EYS: variants seen among roughly 807,000 people sequenced by gnomAD.
EYS encodes the protein protein eyes shut homolog.
Under a neutral mutation model 282.1 loss-of-function variants are expected in EYS, and 250 were observed. That is an observed-to-expected ratio of 0.89 (90% CI 0.80 to 0.98). The LOEUF (loss-of-function observed/expected upper bound fraction) is 0.98. Ranked by LOEUF, EYS falls within the 50% of genes least tolerant of loss-of-function variation. The pLI, the probability that EYS is intolerant of heterozygous loss-of-function variation, is 0.00. For missense variants in EYS, 4,016 were observed against 3,709.0 expected (o/e 1.08, Z -2.15); for synonymous variants, 1,355 against 1,282.9 (o/e 1.06, Z -1.20).
intron 34 of EYS, among the ~76,000 whole-genome samples, chr6:63,989,368 T>TA (rs1003226103): frequency 4.0e-5 from 6 of 151,644 alleles, no homozygotes; most frequent in Non-Finnish European, 1.5e-5. Context: ...TTTCACATGT[T>TA]AAAAAAGCTT....
At chr6:65,273,922 AC>A (rs1294623294) in intron 12 of EYS, among the ~76,000 whole-genome samples, 4 of 152,064 alleles carry the variant, frequency 2.6e-5, no homozygotes, top group South Asian at 2.1e-4. Flanking sequence ...CAACAATCAG[AC>A]CTTTTAAGGA....
At chr6:64,602,592 T>C (rs893570120) in intron 24 of EYS, among the ~76,000 whole-genome samples, 2 of 152,044 alleles carry the variant, frequency 1.3e-5, no homozygotes, top group African/African-American at 2.4e-5. Context: ...CATTTTCCCC[T>C]TTTCCCAAGG....
chr6:65,023,398 A>C (rs144199062), intron 13 of EYS, among the ~76,000 whole-genome samples: 1 of 152,294 alleles, frequency 6.6e-6, no homozygotes, highest in African/African-American at 2.4e-5. Flanking sequence ...CTAAATATAA[A>C]GAGATTTTTA....
At chr6:64,953,927 T>G (rs1204448105) in intron 14 of EYS, among the ~76,000 whole-genome samples, 2 of 152,048 alleles carry the variant, frequency 1.3e-5, no homozygotes, top group East Asian at 3.9e-4. Context: ...TATACTGGAT[T>G]TTGAAAACAT....
chr6:65,416,415 C>G (rs558601128), intron 5 of EYS, among the ~76,000 whole-genome samples: 2 of 152,042 alleles, frequency 1.3e-5, no homozygotes, highest in African/African-American at 2.4e-5. Context: ...ATCTCTCTCT[C>G]ATACACACAC....
At chr6:64,012,435 G>C (rs938662607) in intron 33 of EYS, among the ~76,000 whole-genome samples, 2 of 152,198 alleles carry the variant, frequency 1.3e-5, no homozygotes, top group African/African-American at 4.8e-5. Context: ...GCAGATGGCA[G>C]TAAAGGTACA....
At chr6:64,865,633 A>G (rs948790504) in intron 19 of EYS, among the ~76,000 whole-genome samples, 1 of 152,172 alleles carries the variant, frequency 6.6e-6, no homozygotes, top group Non-Finnish European at 1.5e-5. Flanking sequence ...CAGGAAAATC[A>G]CTGAAGGGTT....
In EYS at chr6:64,449,579, G is replaced by A. The variant is rs912465143; in HGVS notation, c.5645-10227C>T. On this transcript the variant is annotated intron_variant, in intron 26 of 42. Transcript: ENST00000503581. ...TCAGATTCACCAAAGTTGAAATGAAGGAAAAAATATTAAGGGTAACCAGAG... is the reference window on the plus strand; with the variant it reads ...TCAGATTCACCAAAGTTGAAATGAAAGAAAAAATATTAAGGGTAACCAGAG... Among the ~76,000 whole-genome samples the A allele has an allele frequency of 1.2e-4, 18 of 152,184 alleles. 1 individual carries two copies. In the Middle Eastern group the frequency reaches 0.014, roughly 115 times the overall value.
chr6:64,418,492 TA>T (rs1774130063), intron 28 of EYS, among the ~76,000 whole-genome samples: 1 of 152,068 alleles, frequency 6.6e-6, no homozygotes, highest in African/African-American at 2.4e-5. Context: ...CCAGGCAAAA[TA>T]GGTCTATTTC....
chr6:64,096,734 A>G (rs1186085682), intron 31 of EYS, among the ~76,000 whole-genome samples: 1 of 152,136 alleles, frequency 6.6e-6, no homozygotes, highest in Non-Finnish European at 1.5e-5. Context: ...GATCGTCTGA[A>G]GCCTTCTTCT....
chr6:64,632,546 C>A (rs1345803784), intron 22 of EYS, among the ~76,000 whole-genome samples: 4 of 3,612 alleles, frequency 1.1e-3, no homozygotes, highest in African/African-American at 1.7e-3. Flanking sequence ...AACCATTTTA[C>A]ACTTCACTTA....
At chr6:64,376,743 T>G (rs1205774850) in intron 29 of EYS, among the ~76,000 whole-genome samples, 2 of 152,202 alleles carry the variant, frequency 1.3e-5, no homozygotes, top group African/African-American at 4.8e-5. Context: ...CAAAAGTAGA[T>G]TCGTCATTTG....
intron 31 of EYS, among the ~76,000 whole-genome samples, chr6:64,206,974 C>T (rs1314767552): frequency 3.9e-5 from 6 of 152,050 alleles, no homozygotes; most frequent in Non-Finnish European, 7.4e-5. Context: ...TCCTTCCTCC[C>T]ACCTTCCACC....
At chr6:64,584,627 G>T (rs1766175299) in intron 26 of EYS, among the ~76,000 whole-genome samples, 1 of 151,844 alleles carries the variant, frequency 6.6e-6, no homozygotes, top group Non-Finnish European at 1.5e-5. Flanking sequence ...TTTTGAATTT[G>T]ATACTCTGAG....
chr6:65,015,388 C>T (rs1364764594), intron 13 of EYS, among the ~76,000 whole-genome samples: 3 of 152,148 alleles, frequency 2.0e-5, no homozygotes, highest in African/African-American at 7.2e-5. Context: ...AATAACATCT[C>T]CATAGGCTGG....
chr6:64,995,386 T>C (rs949150167), intron 14 of EYS, among the ~76,000 whole-genome samples: 3 of 152,170 alleles, frequency 2.0e-5, no homozygotes, highest in African/African-American at 4.8e-5. Context: ...CTGTAACTTT[T>C]ATAGTAATAA....
intron 16 of EYS, among the ~76,000 whole-genome samples, chr6:64,907,967 T>C (rs553323598): frequency 2.0e-5 from 3 of 152,268 alleles, no homozygotes; most frequent in South Asian, 4.1e-4. Flanking sequence ...GAGCACATAA[T>C]TGTGGGCAAC....
chr6:65,357,655 T>C (rs963495332), intron 8 of EYS, among the ~76,000 whole-genome samples: 4 of 151,974 alleles, frequency 2.6e-5, no homozygotes, highest in Admixed American at 6.6e-5. Context: ...GGTAATACTA[T>C]TATGAAAAAA....
At chr6:63,832,703 C>T (rs1465158654) in intron 36 of EYS, among the ~76,000 whole-genome samples, 10 of 152,164 alleles carry the variant, frequency 6.6e-5, no homozygotes, top group Admixed American at 6.5e-4. Context: ...GGAATACTCC[C>T]TAACTCATTT....
Sources: allele counts gnomAD v4.1 joint callset (sites outside exome capture counted in the v4.1 genomes callset), GRCh38; gene constraint gnomAD v4.1.1; transcripts MANE v1.5; gene names NCBI Gene and HGNC (gene_info 2026-07-23, HGNC 2026-07-21).